The following CCDC171 variants were observed in gnomAD, a reference collection of about 807,000 sequenced individuals.
CCDC171 encodes the protein coiled-coil domain-containing protein 171.
In CCDC171, 177 loss-of-function variants were observed where a neutral mutation model predicts 168.2. The ratio of observed to expected loss-of-function variants is 1.05; its 90% CI spans 0.93 to 1.19. CCDC171 has a LOEUF of 1.19. Among genes scored for constraint, CCDC171 ranks in the 50% most tolerant of loss-of-function variants. CCDC171 has a pLI of 0.00. For missense variants in CCDC171, 1,991 were observed against 1,539.0 expected, an observed-to-expected ratio of 1.29 and a Z score of -4.91; for synonymous variants, 687 against 540.8, an observed-to-expected ratio of 1.27 and a Z score of -3.75.
chr9:15,915,216 CAA>C (rs1418128721), intron 24 of CCDC171, among the ~76,000 whole-genome samples: 2 of 152,052 alleles, frequency 1.3e-5, no homozygotes, highest in Non-Finnish European at 2.9e-5. Context: ...TTGCTTTGGG[CAA>C]TATGGTCATT....
In CCDC171 at chr9:15,820,899, A is replaced by G. The variant is rs1211941660; in HGVS notation, c.3268-25803A>G. 9.4e-5 allele frequency among the ~76,000 whole-genome samples: 11 copies of G among 116,944 alleles called. 4 individuals carry two copies. The highest frequency in any genetic ancestry group is 3.5e-4 in the African/African-American group (11 of 31,022). The allele number at this position is 116,944 out of a possible 152,430, so 76.7% of individuals were successfully genotyped here. A position where few individuals can be genotyped will look rare whatever the true frequency, so the allele number is the denominator to read the frequency against. The stretch of plus-strand genomic sequence containing the variant: ...ACACAACAAAAAAAGAGAATTTTAG[A>G]CCAATGTCCTTGATGAACATTGATG... On this transcript the variant is annotated intron_variant, in intron 21 of 25. Coordinates refer to ENST00000380701, the MANE Select transcript of CCDC171 (RefSeq NM_173550.4).
intron 7 of CCDC171, among the ~76,000 whole-genome samples, chr9:15,627,604 CA>C (rs1238360586): frequency 6.6e-6 from 1 of 152,182 alleles, no homozygotes; most frequent in Non-Finnish European, 1.5e-5. Context: ...GCAGGTTGTT[CA>C]GTTTCCACGT....
At chr9:15,895,048 T>C (rs745666165) in intron 24 of CCDC171, among the ~76,000 whole-genome samples, 1 of 152,074 alleles carries the variant, frequency 6.6e-6, no homozygotes, top group African/African-American at 2.4e-5. Flanking sequence ...AGGAAAAAAG[T>C]AGGAGGTTTG....
At chr9:15,648,977 A>T (rs887319536) in intron 7 of CCDC171, among the ~76,000 whole-genome samples, 1 of 152,214 alleles carries the variant, frequency 6.6e-6, no homozygotes, top group African/African-American at 2.4e-5. Flanking sequence ...TAGAGGCATC[A>T]TGCTACCTGA....
chr9:15,969,402 T>A (rs1029620439), intron 25 of CCDC171, among the ~76,000 whole-genome samples: 4 of 152,162 alleles, frequency 2.6e-5, no homozygotes, highest in African/African-American at 9.7e-5. Flanking sequence ...AGGGAAACTT[T>A]AAGTACAACA....
chr9:15,854,827 A>G (rs909761121), intron 23 of CCDC171, among the ~76,000 whole-genome samples: 2 of 151,656 alleles, frequency 1.3e-5, no homozygotes, highest in East Asian at 3.9e-4. Flanking sequence ...TCTAATTTCT[A>G]TGATTTCTTC....
At chr9:15,616,970 G>T (rs1259130720) in intron 6 of CCDC171, among the ~76,000 whole-genome samples, 1 of 152,260 alleles carries the variant, frequency 6.6e-6, no homozygotes, top group Admixed American at 6.5e-5. Flanking sequence ...ACATCTGCTC[G>T]GCTTCTGGGG....
At chr9:15,612,817 T>C (rs930768969) in intron 6 of CCDC171, among the ~76,000 whole-genome samples, 2 of 152,154 alleles carry the variant, frequency 1.3e-5, no homozygotes, top group African/African-American at 4.8e-5. Context: ...ATAAAAAGAG[T>C]TGGAGTTCTT....
chr9:15,571,901 A>T, intron 3 of CCDC171, 142 bp downstream of exon 3: 1 of 673,612 alleles, frequency 1.5e-6, no homozygotes, highest in Non-Finnish European at 2.4e-6. Flanking sequence ...AGGAAACATA[A>T]TTTTAAAATG....
At chr9:15,946,844 T>G (rs1025880040) in intron 25 of CCDC171, among the ~76,000 whole-genome samples, 3 of 152,022 alleles carry the variant, frequency 2.0e-5, no homozygotes, top group Admixed American at 1.3e-4. Context: ...TCTGCCTAAG[T>G]AAATGTTGTT....
intron 7 of CCDC171, among the ~76,000 whole-genome samples, chr9:15,653,417 C>A (rs1371220268): frequency 6.6e-6 from 1 of 152,032 alleles, no homozygotes. Flanking sequence ...GTGGGGATTA[C>A]AAGTGTGAGC....
At chr9:15,650,023 G>C (rs2132753554) in intron 7 of CCDC171, among the ~76,000 whole-genome samples, 2 of 152,268 alleles carry the variant, frequency 1.3e-5, no homozygotes, top group South Asian at 4.1e-4. Context: ...TGATAGACTG[G>C]ATTAAGAAAA....
At chr9:16,084,496 C>T in the CCDC171 span, among the ~76,000 whole-genome samples, 1 of 152,176 alleles carries the variant, frequency 6.6e-6, no homozygotes, top group African/African-American at 2.4e-5. Context: ...ATTAAACCTC[C>T]ATGTAATTGA....
intron 25 of CCDC171, among the ~76,000 whole-genome samples, chr9:15,957,157 G>T (rs1402685361): frequency 3.3e-5 from 5 of 151,902 alleles, no homozygotes; most frequent in African/African-American, 1.2e-4. Flanking sequence ...AAGAGAAGTC[G>T]TTAAACATCT....
At chr9:16,013,501 G>A (rs1832930003) in intron 3 of CCDC171, among the ~76,000 whole-genome samples, 1 of 152,196 alleles carries the variant, frequency 6.6e-6, no homozygotes, top group Admixed American at 6.5e-5. Flanking sequence ...ACCTTCCTAT[G>A]GGAGGCAGGA....
At chr9:15,691,220 GGTTAA>G (rs1446756738) in intron 10 of CCDC171, among the ~76,000 whole-genome samples, 1 of 151,872 alleles carries the variant, frequency 6.6e-6, no homozygotes, top group East Asian at 1.9e-4. Context: ...AGGGGGGACT[GGTTAA>G]GTTAATTTAT....
At chr9:16,063,816 C>T (rs1039999917), downstream of CCDC171, among the ~76,000 whole-genome samples, 2 of 152,160 alleles carry the variant, frequency 1.3e-5, no homozygotes, top group Admixed American at 6.5e-5. Context: ...GGAGAAAGTA[C>T]GACTCAAAGA....
rs189214159 is a variant in CCDC171, at chr9:16,057,830, G to A, written n.90-2816G>A. ...GGATCCACTCAGGCACAGTGGACAC[G>A]GCATCAGAGAGATTGGCTGCAGGTT... is the stretch of plus-strand genomic sequence containing the variant. On this transcript the variant is annotated intron_variant and non_coding_transcript_variant, in intron 1 of 1. Transcript: ENST00000478913. Among the ~76,000 whole-genome samples the A allele has an allele frequency of 4.0e-3, 603 of 152,266 alleles. 3 individuals are homozygous for A. The highest frequency in any genetic ancestry group is 5.2e-3 in the Non-Finnish European group (355 of 68,016).
chr9:16,070,130 C>T, the CCDC171 span, among the ~76,000 whole-genome samples: 1 of 152,026 alleles, frequency 6.6e-6, no homozygotes, highest in Non-Finnish European at 1.5e-5. Context: ...TGAGCTGAAG[C>T]GGCCTGGAAA....
Sources: allele counts gnomAD v4.1 joint callset (sites outside exome capture counted in the v4.1 genomes callset), GRCh38; gene constraint gnomAD v4.1.1; transcripts MANE v1.5; gene names NCBI Gene and HGNC (gene_info 2026-07-23, HGNC 2026-07-21).